Variants in MYBPC2 observed in about 807,000 individuals in gnomAD.
MYBPC2 encodes the protein myosin-binding protein C, fast-type.
In MYBPC2, 122 loss-of-function variants were observed where a neutral mutation model predicts 137.0. The observed-to-expected ratio is 0.89, with a 90% CI of 0.77 to 1.03. The LOEUF is 1.03. Among genes scored for constraint, MYBPC2 ranks in the 50% least tolerant of loss-of-function variants. MYBPC2 has a pLI of 0.00. For synonymous variants in MYBPC2, 626 were observed against 612.3 expected, an observed-to-expected ratio of 1.02 and a Z score of -0.33; for missense variants, 1,500 against 1,534.4, an observed-to-expected ratio of 0.98 and a Z score of 0.37.
chr19:50,440,092 C>A lies in MYBPC2; in HGVS notation c.573-788C>A, dbSNP rs546398508. Among the ~76,000 whole-genome samples, 13 of 152,000 alleles carry A rather than the reference C, an allele frequency of 8.6e-5. No individual in the cohort carries two copies. The East Asian group carries it at 2.5e-3, about 29-fold the overall frequency. The stretch of plus-strand genomic sequence containing the variant: ...AAGTAGCTGGGGTGTGATGGCCAGG[C>A]GGAGGGCTGGGGCTTCCTCCTGAGG... On this transcript the variant is annotated intron_variant, in intron 7 of 27. Coordinates refer to ENST00000357701, the MANE Select transcript of MYBPC2 (RefSeq NM_004533.4).
intron 16 of MYBPC2, among the ~76,000 whole-genome samples, chr19:50,452,356 T>C (rs1011731251): frequency 1.3e-5 from 2 of 152,206 alleles, no homozygotes; most frequent in African/African-American, 2.4e-5. Context: ...TGTCCATTTA[T>C]CCATCAACCA....
At position 50,455,170 on chromosome 19, in the gene MYBPC2, T is replaced by C; in HGVS notation, c.2077T>C (p.Phe693Leu). 1 of 1,613,888 alleles carries C rather than the reference T, an allele frequency of 6.2e-7. No individual in the cohort carries two copies. The highest frequency in any genetic ancestry group is 8.5e-7 in the Non-Finnish European group (1 of 1,179,870). ...CTGGATGAAGCTGAACTTTGAGGTC[T>C]TCACAGAGACCACCTATGAGTCCAC... ...QRWMKLNFEV[F>L]TETTYESTKM... The change falls in exon 19 of 28, where the codon TTC (phenylalanine) becomes CTC (leucine). Residue 693 changes from phenylalanine to leucine, a missense_variant. By Grantham distance (22) the Phe-to-Leu change is conservative (BLOSUM62 0). Coordinates refer to ENST00000357701, the MANE Select transcript of MYBPC2 (RefSeq NM_004533.4).
chr19:50,435,973 G>C lies in MYBPC2; in HGVS notation c.197-39G>C. ...CTGGAGAGCCTTATGTTCCTTCCTG[G>C]GCCTCCTCCCACTCTACCCTGTCAC... On this transcript the variant is annotated intron_variant, in intron 3 of 27. Transcript: ENST00000357701. The surrounding 1 kb of genome is among the most constrained non-coding windows in gnomAD (Gnocchi z 4.8). 1 of 1,557,556 alleles carries C rather than the reference G, an allele frequency of 6.4e-7. No homozygotes were observed. The highest frequency in any genetic ancestry group is 8.7e-7 in the Non-Finnish European group (1 of 1,150,136).
chr19:50,444,858 A>C (rs1186215215), intron 11 of MYBPC2, among the ~76,000 whole-genome samples: 1 of 128,624 alleles, frequency 7.8e-6, no homozygotes, highest in African/African-American at 3.1e-5. Flanking sequence ...CCAACCTGGG[A>C]GACACAGCGA....
chr19:50,437,838 T>TC, intron 7 of MYBPC2, 120 bp downstream of exon 7: 1 of 1,136,878 alleles, frequency 8.8e-7, no homozygotes, highest in Non-Finnish European at 1.3e-6. Context: ...ACCACCTCCA[T>TC]CTGTTCACTC....
At chr19:50,443,396 A>T in intron 9 of MYBPC2, 98 bp from the exon 10 acceptor site, 1 of 1,447,006 alleles carries the variant, frequency 6.9e-7, no homozygotes, top group African/African-American at 1.4e-5. Flanking sequence ...GCTCTGAGAG[A>T]GAGAGAGAGA....
intron 23 of MYBPC2, 111 bp from the exon 24 acceptor site, chr19:50,459,929 G>A (rs2039955708): frequency 6.9e-7 from 1 of 1,459,112 alleles, no homozygotes; most frequent in Non-Finnish European, 9.3e-7. Flanking sequence ...AATGGGAATG[G>A]GGCATAAGAG....
At chr19:50,456,310 ATCCATCTGTCCATCCATCCATCCGTCTG>A (rs1258720832) in intron 20 of MYBPC2, among the ~76,000 whole-genome samples, 4 of 146,552 alleles carry the variant, frequency 2.7e-5, no homozygotes, top group African/African-American at 1.0e-4. Context: ...CCATCCATCC[ATCCATCTGTCCATCCATCCATCCGTCTG>A]TCCATCCATC....
chr19:50,443,797 G>A lies in MYBPC2; in HGVS notation c.1114G>A (p.Glu372Lys). 5.6e-6 allele frequency: 9 copies of A among 1,613,868 alleles called. No homozygotes were observed. Among genetic ancestry groups the A allele is most frequent in the Non-Finnish European group, 7.6e-6 (9 of 1,179,838 alleles). The change falls in exon 11 of 28, where the codon GAG (glutamate) becomes AAG (lysine). Residue 372 changes from glutamate (E) to lysine (K), a missense_variant. Glu to Lys is a moderately conservative substitution (Grantham distance 56). Coordinates refer to ENST00000357701, the MANE Select transcript of MYBPC2 (RefSeq NM_004533.4). ...GGAAATGGCAGTGGAGGTGTCAGAA[G>A]AGGGTGCCCAGGTGATGTGGTAAGT... Reference protein sequence around the residue: ...RVEMAVEVSEEGAQVMWMKDG... With the variant: ...RVEMAVEVSEKGAQVMWMKDG...
rs1298466247 is a variant in MYBPC2, at chr19:50,466,154, G to A, written c.3416-41G>A. 11 of 1,612,804 alleles carry A rather than the reference G, an allele frequency of 6.8e-6. No homozygotes were observed. The highest frequency in any genetic ancestry group is 2.7e-5 in the African/African-American group (2 of 74,862). ...TCCTCCTGGGGCTTCAGGAGGAGGCGTGCCCGGGCCTGGCTCACCCGCTTT... is the reference window on the plus strand; with the variant it reads ...TCCTCCTGGGGCTTCAGGAGGAGGCATGCCCGGGCCTGGCTCACCCGCTTT... On this transcript the variant is annotated intron_variant, in intron 27 of 27. Transcript: ENST00000357701. The surrounding 1 kb of genome is among the most constrained non-coding windows in gnomAD (Gnocchi z 4.9).
Position 50,466,302 on chromosome 19 carries a change from A to C in MYBPC2, c.*97A>C. The C allele has an allele frequency of 6.5e-7, 1 of 1,544,298 alleles. No individual in the cohort carries two copies. The highest frequency in any genetic ancestry group is 8.9e-7 in the Non-Finnish European group (1 of 1,122,560). ...GTTCTTTCTGGAGTTTTCGCTGAGA[A>C]CAAAACAGTGTTGTCTGGACCCTGG... On this transcript the variant is annotated 3_prime_UTR_variant, in exon 28 of 28. Coordinates refer to ENST00000357701, the MANE Select transcript of MYBPC2 (RefSeq NM_004533.4). The surrounding 1 kb of genome is among the most constrained non-coding windows in gnomAD (Gnocchi z 4.9).
chr19:50,459,845 G>C (rs913315734), intron 23 of MYBPC2, among the ~76,000 whole-genome samples, 195 bp from the exon 24 acceptor site: 1 of 150,888 alleles, frequency 6.6e-6, no homozygotes, highest in African/African-American at 2.4e-5. Context: ...GTGAGGAGAG[G>C]AGGTGAGGAG....
rs762650252 is a variant in MYBPC2 at position 50,437,536 on chromosome 19, G to A, written c.512+15G>A. On this transcript the variant is annotated intron_variant, in intron 6 of 27. Transcript: ENST00000357701. ...TTCAAGCGTACGTAAGTGACCCCAG[G>A]CCCTTACCAGGGTCCCAAGGACCAT... 6 of 1,608,120 alleles carry A rather than the reference G, an allele frequency of 3.7e-6. No homozygotes were observed. The African/African-American group carries it at 6.7e-5, about 18-fold the overall frequency.
intron 15 of MYBPC2, 41 bp from the exon 16 acceptor site, chr19:50,451,823 C>A: frequency 1.9e-6 from 3 of 1,570,348 alleles, no homozygotes; most frequent in Non-Finnish European, 2.6e-6. Context: ...AAGGCCCAGC[C>A]TCCCACTCCC....
rs2039862530 is a variant in MYBPC2, at chr19:50,451,940, G to A, written c.1686G>A (p.Leu562=). 6.4e-7 allele frequency: 1 copy of A among 1,566,192 alleles called. No homozygotes were observed. Among genetic ancestry groups the A allele is most frequent in the Non-Finnish European group, 8.7e-7 (1 of 1,155,132 alleles). The part of the protein sequence containing the change: ...NAIVVVAGNK[L]RLDVSITGEP... Reference sequence around the variant, plus strand: ...TTGTGGTTGTGGCTGGAAACAAGCTGAGGCTTGACGTGTCCATCACAGGGG... The same window carrying A: ...TTGTGGTTGTGGCTGGAAACAAGCTAAGGCTTGACGTGTCCATCACAGGGG... Residue 562 remains leucine, a synonymous_variant, in exon 16 of 28, where the codon CTG becomes CTA. Coordinates refer to ENST00000357701, the MANE Select transcript of MYBPC2 (RefSeq NM_004533.4).
Position 50,436,077 on chromosome 19 carries a change from T to A in MYBPC2, c.262T>A (p.Trp88Arg). ...KELPDKPTIKWFKGKWLELGS... is the reference protein window; with the variant it reads ...KELPDKPTIKRFKGKWLELGS... ...GCTCCCAGACAAACCGACCATCAAG[T>A]GGTTCAAGGGGAAGTGGCTGGAGCT... The change falls in exon 4 of 28, where the codon TGG becomes AGG. Residue 88 changes from tryptophan (W) to arginine (R), a missense_variant. Transcript: ENST00000357701. 1 of 1,584,276 alleles carries A rather than the reference T, an allele frequency of 6.3e-7. No homozygotes were observed. Among genetic ancestry groups the A allele is most frequent in the South Asian group, 1.2e-5 (1 of 86,440 alleles).
In MYBPC2 at chr19:50,455,616, G is replaced by T; in HGVS notation, c.2310G>T (p.Gly770=). The T allele has an allele frequency of 1.9e-6, 3 of 1,614,010 alleles. No individual in the cohort carries two copies. Among genetic ancestry groups the T allele is most frequent in the Non-Finnish European group, 2.5e-6 (3 of 1,179,904 alleles). Residue 770 remains glycine, a synonymous_variant, in exon 20 of 28, where the codon GGG becomes GGT. Coordinates refer to ENST00000357701, the MANE Select transcript of MYBPC2 (RefSeq NM_004533.4). ...GGATCGGGGCAGGTGGCATCGATGG[G>T]TACCTGGTGGAGTACTGCCTGGAAG... ...PNRIGAGGID[G]YLVEYCLEGS...
rs747889194 is a variant in MYBPC2 at position 50,464,492 on chromosome 19, G to A, written c.3375G>A (p.Glu1125=). 2.5e-6 allele frequency: 4 copies of A among 1,612,572 alleles called. No homozygotes were observed. Among genetic ancestry groups the A allele is most frequent in the Non-Finnish European group, 3.4e-6 (4 of 1,179,602 alleles). ...CTTACACCTGCCGGGCCGTCAACGA[G>A]CTGGGCGAGGCGCTGGCTGAGTGCA... ...AGTYTCRAVN[E]LGEALAECKL... The change falls in exon 27 of 28, where the codon GAG becomes GAA. Residue 1125 remains glutamate (E), a synonymous_variant. Coordinates refer to ENST00000357701, the MANE Select transcript of MYBPC2 (RefSeq NM_004533.4).
At chr19:50,457,410 C>T (rs1157490885) in intron 20 of MYBPC2, among the ~76,000 whole-genome samples, 1 of 152,324 alleles carries the variant, frequency 6.6e-6, no homozygotes, top group African/African-American at 2.4e-5. Context: ...ATCTGAAGAG[C>T]TCTGACCCTG....
Sources: allele counts gnomAD v4.1 joint callset (sites outside exome capture counted in the v4.1 genomes callset), GRCh38; gene constraint gnomAD v4.1.1; non-coding constraint Gnocchi (gnomAD v3.1); transcripts MANE v1.5; gene names NCBI Gene and HGNC (gene_info 2026-07-23, HGNC 2026-07-21).